Variants in NFYA observed in about 807,000 individuals in gnomAD.
NFYA encodes the protein nuclear transcription factor Y subunit alpha.
A neutral mutation model predicts 52.8 loss-of-function variants in NFYA; 28 were observed. The observed-to-expected ratio is 0.53, with a 90% CI of 0.39 to 0.73. The LOEUF (loss-of-function observed/expected upper bound fraction) is 0.73, where lower values mean the gene tolerates loss of function less well. Among genes scored for constraint, NFYA ranks in the 30% least tolerant of loss-of-function variants. NFYA has a pLI of 0.00. For synonymous variants in NFYA, 150 were observed against 150.7 expected, an observed-to-expected ratio of 1.00 and a Z score of 0.03; for missense variants, 234 against 427.0, an observed-to-expected ratio of 0.55 and a Z score of 3.98.
rs181286180 is a variant in NFYA at position 41,091,846 on chromosome 6, C to G, written c.714+152C>G. The G allele has an allele frequency of 3.4e-3, 2,896 of 856,314 alleles. 8 individuals are homozygous for G. Among genetic ancestry groups the G allele is most frequent in the Admixed American group, 6.7e-3 (234 of 34,860 alleles). 53.0% of individuals were successfully genotyped at this position (856,314 alleles called of 1,614,324 possible). On this transcript the variant is annotated intron_variant, in intron 7 of 9. Coordinates refer to ENST00000341376, the MANE Select transcript of NFYA (RefSeq NM_002505.5). ...ACTTTGACAATAACATTATGACAAA[C>G]CATAATTCATTCTGAGCACCTACTA...
chr6:41,092,890 C>T (rs1199267962), intron 7 of NFYA, 22 bp from the exon 8 acceptor site: 2 of 1,605,902 alleles, frequency 1.2e-6, no homozygotes, highest in African/African-American at 1.3e-5. Context: ...CACCAATAAG[C>T]TCTGGTTTCC....
In NFYA at chr6:41,101,750, T is replaced by A. The variant is rs1335793323; in HGVS notation, c.*4340T>A. Among the ~76,000 whole-genome samples, 1 of 151,666 alleles carries A rather than the reference T, an allele frequency of 6.6e-6. No individual in the cohort carries two copies. The highest frequency in any genetic ancestry group is 1.9e-4 in the East Asian group (1 of 5,148). Reference sequence around the variant, plus strand: ...CCCATAGCTAGGCAGCCTAAGAGAGTAGGGGAAAGAGCTGGCTCCAGATGA... The same window carrying A: ...CCCATAGCTAGGCAGCCTAAGAGAGAAGGGGAAAGAGCTGGCTCCAGATGA... On this transcript the variant is annotated 3_prime_UTR_variant, in exon 10 of 10. Transcript: ENST00000341376.
intron 6 of NFYA, among the ~76,000 whole-genome samples, 191 bp downstream of exon 6, chr6:41,090,500 T>A (rs937221972): frequency 6.6e-6 from 1 of 152,202 alleles, no homozygotes; most frequent in Non-Finnish European, 1.5e-5. Flanking sequence ...AGTGATTCCA[T>A]GTGTAGCAGT....
chr6:41,094,418 A>G lies in NFYA; in HGVS notation c.911A>G (p.His304Arg). The G allele has an allele frequency of 6.2e-7, 1 of 1,614,216 alleles. No homozygotes were observed. Among genetic ancestry groups the G allele is most frequent in the Non-Finnish European group, 8.5e-7 (1 of 1,180,018 alleles). The change falls in exon 9 of 10, where the codon CAC (histidine) becomes CGC (arginine). Residue 304 changes from histidine (H) to arginine (R), a missense_variant. By Grantham distance (29) the His-to-Arg change is conservative. Transcript: ENST00000341376. Reference protein sequence around the residue: ...ERRKYLHESRHRHAMARKRGE... With the variant: ...ERRKYLHESRRRHAMARKRGE... ...TAGAAATACCTGCATGAGTCTCGGC[A>G]CCGTCATGCCATGGCACGGAAGCGT...
At chr6:41,093,215 T>C in intron 8 of NFYA, 130 bp downstream of exon 8, 1 of 784,538 alleles carries the variant, frequency 1.3e-6, no homozygotes, top group South Asian at 2.3e-5. Flanking sequence ...TTGTCTCTTT[T>C]GTAAGAGTTA....
At chr6:41,076,791 C>T (rs927505610) in intron 1 of NFYA, among the ~76,000 whole-genome samples, 2 of 152,190 alleles carry the variant, frequency 1.3e-5, no homozygotes, top group Non-Finnish European at 2.9e-5. Flanking sequence ...GAAAGACTAT[C>T]GAATTGTATT....
At position 41,098,700 on chromosome 6, in the gene NFYA, G is replaced by A. The variant is rs965266533; in HGVS notation, c.*1290G>A. 1.3e-5 allele frequency: 2 copies of A among 152,614 alleles called. No homozygotes were observed. The highest frequency in any genetic ancestry group is 4.8e-5 in the African/African-American group (2 of 41,418). 9.5% of individuals were successfully genotyped at this position (152,614 alleles called of 1,614,324 possible). A position where few individuals can be genotyped will look rare whatever the true frequency, so the allele number is the denominator to read the frequency against. On this transcript the variant is annotated 3_prime_UTR_variant, in exon 10 of 10. Coordinates refer to ENST00000341376, the MANE Select transcript of NFYA (RefSeq NM_002505.5). Reference sequence around the variant, plus strand: ...TCTTCCCATGGCAGCTGATTCTTTGGTGCCAGTTTTCATGTTTTCTCCATA... The same window carrying A: ...TCTTCCCATGGCAGCTGATTCTTTGATGCCAGTTTTCATGTTTTCTCCATA...
intron 8 of NFYA, among the ~76,000 whole-genome samples, chr6:41,093,451 G>A (rs911840102): frequency 1.3e-5 from 2 of 151,622 alleles, no homozygotes; most frequent in African/African-American, 4.8e-5. Context: ...GGAAGAAAGG[G>A]AACAAGAAAG....
intron 3 of NFYA, among the ~76,000 whole-genome samples, chr6:41,083,063 ATTCTG>A (rs1475769971): frequency 2.0e-5 from 3 of 152,244 alleles, no homozygotes. Context: ...AGTCATGAAT[ATTCTG>A]TTCTAAGTAA....
At chr6:41,096,101 C>T (rs1764349239) in intron 9 of NFYA, among the ~76,000 whole-genome samples, 1 of 151,952 alleles carries the variant, frequency 6.6e-6, no homozygotes, top group South Asian at 2.1e-4. Flanking sequence ...TTTTTTTAAC[C>T]TGCCAGTCCC....
At chr6:41,088,563 G>A (rs1160637873) in intron 4 of NFYA, among the ~76,000 whole-genome samples, 5 of 152,044 alleles carry the variant, frequency 3.3e-5, no homozygotes, top group Admixed American at 2.0e-4. Context: ...TTTGACTAGA[G>A]TAGAATACAT....
chr6:41,099,381 C>G lies in NFYA; in HGVS notation c.*1971C>G, dbSNP rs928913504. ...TTAAGCTGCCAACAGTTAGAAGATG[C>G]TATTTATTTGTGTCTGTAAGTTTGT... On this transcript the variant is annotated 3_prime_UTR_variant, in exon 10 of 10. Coordinates refer to ENST00000341376, the MANE Select transcript of NFYA (RefSeq NM_002505.5). 6.6e-6 allele frequency: 1 copy of G among 152,200 alleles called. No homozygotes were observed. The highest frequency in any genetic ancestry group is 1.5e-5 in the Non-Finnish European group (1 of 68,040). 9.4% of individuals were successfully genotyped at this position (152,200 alleles called of 1,614,324 possible). A position where few individuals can be genotyped will look rare whatever the true frequency, so the allele number is the denominator to read the frequency against.
chr6:41,086,474 CA>C (rs1159234127), intron 4 of NFYA, among the ~76,000 whole-genome samples: 45 of 152,182 alleles, frequency 3.0e-4, no homozygotes, highest in African/African-American at 1.1e-3. Context: ...GGTGAGATTC[CA>C]TAGCCTCCCT....
At chr6:41,096,878 C>T (rs2113826578) in intron 9 of NFYA, among the ~76,000 whole-genome samples, 2 of 152,306 alleles carry the variant, frequency 1.3e-5, no homozygotes, top group South Asian at 4.1e-4. Flanking sequence ...ATCACTTTAC[C>T]CATCTGGCCT....
chr6:41,080,602 GT>G, intron 2 of NFYA, among the ~76,000 whole-genome samples: 1 of 152,292 alleles, frequency 6.6e-6, no homozygotes, highest in South Asian at 2.1e-4. Context: ...GAGTTTTTGA[GT>G]CAAATTTTTG....
intron 1 of NFYA, chr6:41,075,221 CTG>C (rs1763700765): frequency 6.6e-6 from 1 of 152,182 alleles, no homozygotes; most frequent in African/African-American, 2.4e-5. Context: ...GGGCTTTCCT[CTG>C]TCATCCAGGC....
intron 5 of NFYA, 64 bp from the exon 6 acceptor site, chr6:41,090,140 C>T (rs1764161535): frequency 9.1e-7 from 1 of 1,103,466 alleles, no homozygotes; most frequent in African/African-American, 1.6e-5. Context: ...TTTTTAAGGA[C>T]TACATCGTTC....
chr6:41,091,504 G>C (rs1034495678), intron 6 of NFYA, 24 bp from the exon 7 acceptor site: 6 of 1,608,064 alleles, frequency 3.7e-6, no homozygotes, highest in Admixed American at 3.4e-5. Context: ...TTTTTTGTTT[G>C]TTTTATGTTT....
rs76798198 is a variant in NFYA, at chr6:41,095,216, A to ACTC, written c.990+721_990+722insCCT. ...TAGACTGACATCCAAAGTGCTTACT[A>ACTC]CTATGCCCAGCAAAGCCTTACATGC... On this transcript the variant is annotated intron_variant, in intron 9 of 9. Transcript: ENST00000341376. 4.3e-4 allele frequency among the ~76,000 whole-genome samples: 66 copies of ACTC among 152,216 alleles called. 2 individuals are homozygous for ACTC. The East Asian group carries it at 0.013, about 29-fold the overall frequency.
Sources: gnomAD v4.1 joint callset for allele counts (sites outside exome capture counted in the v4.1 genomes callset) on GRCh38, gnomAD v4.1.1 for gene constraint, MANE v1.5 for transcripts, NCBI Gene and HGNC (gene_info 2026-07-23, HGNC 2026-07-21) for gene names.